TREM1: variants seen among roughly 807,000 people sequenced by gnomAD.
The protein encoded by TREM1 is triggering receptor expressed on myeloid cells 1, also known as triggering receptor expressed on monocytes 1.
TREM1 carries 16 observed loss-of-function variants against 22.4 expected under a neutral mutation model. The ratio of observed to expected loss-of-function variants is 0.71; its 90% CI spans 0.48 to 1.08. The LOEUF (loss-of-function observed/expected upper bound fraction) is 1.08, where lower values mean the gene tolerates loss of function less well. Ranked by LOEUF, TREM1 falls within the 50% of genes least tolerant of loss-of-function variation. The probability of loss-of-function intolerance (pLI) is 0.00; values close to 1 mark genes in which losing one functional copy is unlikely to be tolerated. For missense variants in TREM1, 283 were observed against 282.9 expected (o/e 1.00, Z 0.00); for synonymous variants, 110 against 111.6 (o/e 0.99, Z 0.09).
At chr6:41,267,685 G>A (rs1353981034), downstream of TREM1, among the ~76,000 whole-genome samples, 1 of 152,026 alleles carries the variant, frequency 6.6e-6, no homozygotes, top group Non-Finnish European at 1.5e-5. Flanking sequence ...TTGAGCCCAG[G>A]AGTTCAAGAC....
chr6:41,267,995 G>T, exon 4 of TREM1: 1 of 398,666 alleles, frequency 2.5e-6, no homozygotes, highest in Non-Finnish European at 4.4e-6. Context: ...CCTGGGAGAA[G>T]AACTGACTTA....
chr6:41,281,454 C>T, intron 2 of TREM1: 1 of 382,436 alleles, frequency 2.6e-6, no homozygotes, highest in Non-Finnish European at 4.8e-6. Context: ...AATTTTTTGT[C>T]ATTCGTACTG....
downstream of TREM1, among the ~76,000 whole-genome samples, chr6:41,270,988 G>A (rs372161417): frequency 1.1e-4 from 16 of 152,248 alleles, no homozygotes; most frequent in East Asian, 1.5e-3. Flanking sequence ...TTACAGGTGC[G>A]AGCCATAGCA....
chr6:41,276,589 G>A (rs1767681161), intron 3 of TREM1, among the ~76,000 whole-genome samples: 1 of 152,230 alleles, frequency 6.6e-6, no homozygotes, highest in Admixed American at 6.5e-5. Flanking sequence ...CACCTCTTTA[G>A]CTCGGTTTCC....
Position 41,274,412 on chromosome 6 carries a change from G to T in TREM1, c.*1713C>A, listed in dbSNP as rs189123084. Among the ~76,000 whole-genome samples, 2 of 152,160 alleles carry T rather than the reference G, an allele frequency of 1.3e-5. No homozygotes were observed. Among genetic ancestry groups the T allele is most frequent in the Admixed American group, 6.5e-5 (1 of 15,280 alleles). The stretch of plus-strand genomic sequence containing the variant: ...GTGTATTTAATGATAATACCCCCTT[G>T]CCCTGGTCACTTTGTCAACTTCATA... On this transcript the variant is annotated 3_prime_UTR_variant, in exon 4 of 4. Transcript: ENST00000244709.
intron 1 of TREM1, 138 bp downstream of exon 1, chr6:41,286,469 G>T: frequency 2.6e-6 from 2 of 773,806 alleles, no homozygotes; most frequent in South Asian, 1.8e-5. Context: ...CCCAATTCTG[G>T]GTAGAGCAGC....
chr6:41,282,802 C>A, intron 1 of TREM1, 51 bp from the exon 2 acceptor site: 1 of 1,495,828 alleles, frequency 6.7e-7, no homozygotes, highest in South Asian at 1.3e-5. Context: ...TTTTCTCTCT[C>A]TGAGTGGGGA....
intron 3 of TREM1, chr6:41,280,720 C>T (rs867969313): frequency 3.5e-6 from 5 of 1,435,244 alleles, no homozygotes; most frequent in Middle Eastern, 5.1e-4. Flanking sequence ...CTCTTTAATA[C>T]TCAGGTTGCA....
In TREM1 at chr6:41,276,014, A is replaced by G. The variant is rs1460942332; in HGVS notation, c.*111T>C. 5 of 786,088 alleles carry G rather than the reference A, an allele frequency of 6.4e-6. No individual in the cohort carries two copies. The highest frequency in any genetic ancestry group is 3.4e-5 in the African/African-American group (2 of 58,570). The allele number at this position is 786,088 out of a possible 1,614,324, so 48.7% of individuals were successfully genotyped here. ...CTTTAGAAATAGCCGGTGATTACAG[A>G]TTTAATTCATGTTATTAACTCCCTG... On this transcript the variant is annotated 3_prime_UTR_variant, in exon 4 of 4. Coordinates refer to ENST00000244709, the MANE Select transcript of TREM1 (RefSeq NM_018643.5).
intron 3 of TREM1, chr6:41,279,763 A>C: frequency 2.0e-6 from 2 of 985,438 alleles, no homozygotes; most frequent in Non-Finnish European, 2.4e-6. Flanking sequence ...CTGCCATGAC[A>C]CTGCTTTATT....
chr6:41,282,208 T>G, intron 2 of TREM1, 187 bp downstream of exon 2: 1 of 559,670 alleles, frequency 1.8e-6, no homozygotes, highest in Non-Finnish European at 3.2e-6. Flanking sequence ...AAAATTAGGC[T>G]GTGCTATCCA....
At chr6:41,282,876 G>T in intron 1 of TREM1, 125 bp from the exon 2 acceptor site, 2 of 848,724 alleles carry the variant, frequency 2.4e-6, no homozygotes, top group Non-Finnish European at 3.7e-6. Context: ...GGTTCTTGAG[G>T]CCTCCAGAGA....
rs1767889982 is a variant in TREM1, at chr6:41,281,013, C to T, written c.547G>A (p.Val183Ile). ...TQAPPKSTAD[V>I]STPDSEINLT... ...TTGATTTCAGAGTCAGGAGTGGAGA[C>T]ATCGGCAGTTGACTTGGGTGGAGCT... The change falls in exon 3 of 4, where the codon GTC (valine) becomes ATC (isoleucine). Residue 183 changes from valine to isoleucine, a missense_variant. Val to Ile is a conservative substitution (Grantham distance 29, BLOSUM62 3). Transcript: ENST00000244709. The T allele has an allele frequency of 1.9e-6, 3 of 1,614,220 alleles. No homozygotes were observed. Among genetic ancestry groups the T allele is most frequent in the Non-Finnish European group, 2.5e-6 (3 of 1,180,046 alleles).
intron 3 of TREM1, among the ~76,000 whole-genome samples, chr6:41,278,710 T>A (rs1416640979): frequency 6.6e-6 from 1 of 151,846 alleles, no homozygotes; most frequent in Non-Finnish European, 1.5e-5. Flanking sequence ...AAACAGCTAG[T>A]GTGGATTCCA....
intron 3 of TREM1, chr6:41,268,141 A>G (rs1471743): frequency 0.12 from 47,670 of 398,296 alleles, 2,864 homozygotes; most frequent in Middle Eastern, 0.13. Flanking sequence ...TACAGGAGAT[A>G]GGCAAGGACG....
downstream of TREM1, among the ~76,000 whole-genome samples, chr6:41,273,416 C>T (rs546147956): frequency 6.6e-6 from 1 of 152,212 alleles, no homozygotes; most frequent in East Asian, 1.9e-4. Context: ...TAGGCACTAT[C>T]ATGCCCATTA....
chr6:41,278,329 G>A lies in TREM1; in HGVS notation c.600-2099C>T, dbSNP rs146365472. ...AGTGCCTCTCCATCCCCAGGATAGC[G>A]TCTCAGCTCTTCCATCACCTGGGCA... On this transcript the variant is annotated intron_variant, in intron 3 of 3. Coordinates refer to ENST00000244709, the MANE Select transcript of TREM1 (RefSeq NM_018643.5). Among the ~76,000 whole-genome samples, 274 of 152,210 alleles carry A rather than the reference G, an allele frequency of 1.8e-3. 1 individual carries two copies. The highest frequency in any genetic ancestry group is 6.8e-3 in the Middle Eastern group (2 of 294).
chr6:41,271,608 T>C (rs1258935152), downstream of TREM1, among the ~76,000 whole-genome samples: 1 of 152,196 alleles, frequency 6.6e-6, no homozygotes, highest in South Asian at 2.1e-4. Flanking sequence ...TCGCTTTTCT[T>C]TACATCTCCC....
chr6:41,283,001 A>T (rs574608436), intron 1 of TREM1, among the ~76,000 whole-genome samples: 5 of 152,326 alleles, frequency 3.3e-5, no homozygotes, highest in Admixed American at 2.6e-4. Context: ...ATAAATGATC[A>T]GAAGAGGAAG....
Sources: gnomAD v4.1 joint callset for allele counts (sites outside exome capture counted in the v4.1 genomes callset) on GRCh38, gnomAD v4.1.1 for gene constraint, MANE v1.5 for transcripts, NCBI Gene and HGNC (gene_info 2026-07-23, HGNC 2026-07-21) for gene names.